The following STX1B variants were observed in gnomAD, a reference collection of about 807,000 sequenced individuals.
STX1B encodes the protein syntaxin-1B.
Under a neutral mutation model 39.4 loss-of-function variants are expected in STX1B, and 7 were observed. The ratio of observed to expected loss-of-function variants is 0.18; its 90% CI spans 0.10 to 0.33. STX1B has a LOEUF of 0.33. Among genes scored for constraint, STX1B ranks in the 10% least tolerant of loss-of-function variants. The pLI, the probability that STX1B is intolerant of heterozygous loss-of-function variation, is 1.00. For synonymous variants in STX1B, 136 were observed against 144.1 expected (o/e 0.94, Z 0.40); for missense variants, 198 against 383.2 (o/e 0.52, Z 4.04).
chr16:30,997,403 A>G lies in STX1B; in HGVS notation c.354+99T>C, dbSNP rs1328688581. 1.1e-5 allele frequency: 7 copies of G among 655,648 alleles called. No homozygotes were observed. In the East Asian group the frequency reaches 3.8e-4, roughly 35 times the overall value. 40.6% of individuals were successfully genotyped at this position (655,648 alleles called of 1,614,324 possible). ...AGCCCCGCCCCAGCCCTCCCTGACC[A>G]CGCCCCCGCCGGTGCTTGGCCCTGG... On this transcript the variant is annotated intron_variant, in intron 5 of 9. Transcript: ENST00000215095.
intron 1 of STX1B, among the ~76,000 whole-genome samples, chr16:31,009,691 C>G (rs2056671392): frequency 6.6e-6 from 1 of 151,748 alleles, no homozygotes. Context: ...CCCTTGACTG[C>G]CCGGGGTGCC....
chr16:31,005,127 C>A (rs1389072255), intron 1 of STX1B, among the ~76,000 whole-genome samples: 1 of 152,228 alleles, frequency 6.6e-6, no homozygotes, highest in Non-Finnish European at 1.5e-5. Context: ...CCTCCCTGGG[C>A]CCCAGTTCCC....
intron 1 of STX1B, among the ~76,000 whole-genome samples, chr16:31,008,241 G>A (rs1445388518): frequency 4.3e-5 from 2 of 46,790 alleles, no homozygotes; most frequent in African/African-American, 8.4e-5. Context: ...CACCCCGCCC[G>A]CCCCCTCTTG....
Position 31,001,609 on chromosome 16 carries a change from G to C in STX1B, c.31-6C>G, listed in dbSNP as rs767091129. The C allele has an allele frequency of 1.2e-5, 19 of 1,612,208 alleles. No individual in the cohort carries two copies. The highest frequency in any genetic ancestry group is 1.6e-5 in the Non-Finnish European group (19 of 1,179,250). ...TCATCATCACTGTCTTTCGCCTGGG[G>C]ACAAGGAAGGCTGAGTCCATGAGCA... On this transcript the variant is annotated splice_polypyrimidine_tract_variant and splice_region_variant and intron_variant, in intron 1 of 9. Coordinates refer to ENST00000215095, the MANE Select transcript of STX1B (RefSeq NM_052874.5). This position sits in a 1 kb window ranked among gnomAD's most constrained non-coding sequence, Gnocchi z 5.5.
chr16:30,998,043 G>C (rs1308628302), intron 4 of STX1B, among the ~76,000 whole-genome samples: 1 of 152,200 alleles, frequency 6.6e-6, no homozygotes, highest in Non-Finnish European at 1.5e-5. Flanking sequence ...TCAGGTTCTA[G>C]TGGCCCCTCT....
At chr16:30,995,041 A>T (rs934793335) in intron 7 of STX1B, among the ~76,000 whole-genome samples, 1 of 152,024 alleles carries the variant, frequency 6.6e-6, no homozygotes, top group African/African-American at 2.4e-5. Context: ...CCTCCCGAGT[A>T]GCTGGGACCA....
rs78690970 is a variant in STX1B, at chr16:30,992,812, G to A, written c.*9C>T. 15 of 1,566,738 alleles carry A rather than the reference G, an allele frequency of 9.6e-6. No individual in the cohort carries two copies. The highest frequency in any genetic ancestry group is 5.4e-5 in the African/African-American group (4 of 73,580). ...GGAAGGGTCTGGGAGAGAGAAGGGT[G>A]GGGGGGGCCTACAAGCCCAGCGTCC... is the stretch of plus-strand genomic sequence containing the variant. On this transcript the variant is annotated 3_prime_UTR_variant, in exon 10 of 10. Coordinates refer to ENST00000215095, the MANE Select transcript of STX1B (RefSeq NM_052874.5).
intron 4 of STX1B, among the ~76,000 whole-genome samples, chr16:30,999,058 C>A (rs749183849): frequency 6.6e-6 from 1 of 152,170 alleles, no homozygotes; most frequent in African/African-American, 2.4e-5. Context: ...CTCCACCCCC[C>A]ACCCCCAAAA....
intron 9 of STX1B, 60 bp from the exon 10 acceptor site, chr16:30,992,961 T>C: frequency 6.8e-7 from 1 of 1,465,988 alleles, no homozygotes; most frequent in East Asian, 2.3e-5. Flanking sequence ...CACGGACAGA[T>C]GCAGGGACAG....
rs757110829 is a variant in STX1B at position 31,001,059 on chromosome 16, C to T, written c.205+35G>A. On this transcript the variant is annotated intron_variant, in intron 3 of 9. Coordinates refer to ENST00000215095, the MANE Select transcript of STX1B (RefSeq NM_052874.5). The surrounding 1 kb of genome is among the most constrained non-coding windows in gnomAD (Gnocchi z 5.5). ...TGGGTGGGAACCCCAGGCCCCTTCT[C>T]CTCCCACCCCACAGTCACCGGCAGC... 1 of 1,613,738 alleles carries T rather than the reference C, an allele frequency of 6.2e-7. No individual in the cohort carries two copies. Among genetic ancestry groups the T allele is most frequent in the Admixed American group, 1.7e-5 (1 of 60,020 alleles).
rs2056569643 is a variant in STX1B, at chr16:30,992,830, C to T, written c.858G>A (p.Leu286=). ...GAAGGGTGGGGGGGGCCTACAAGCC[C>T]AGCGTCCCCCCAATGGATGACGCCA... is the stretch of plus-strand genomic sequence containing the variant. ...VVLASSIGGT[L]GL is the part of the protein sequence containing the mutation. The change falls in exon 10 of 10, where the codon CTG becomes CTA. Residue 286 remains leucine (L), a synonymous_variant. Transcript: ENST00000215095. 1.2e-6 allele frequency: 2 copies of T among 1,611,412 alleles called. No homozygotes were observed. The highest frequency in any genetic ancestry group is 1.7e-6 in the Non-Finnish European group (2 of 1,177,938).
At position 30,992,539 on chromosome 16, in the gene STX1B, C is replaced by G; in HGVS notation, c.*282G>C. The G allele has an allele frequency of 5.1e-6, 2 of 390,386 alleles. 1 individual carries two copies. The highest frequency in any genetic ancestry group is 7.4e-5 in the South Asian group (2 of 27,104). The allele number at this position is 390,386 out of a possible 1,614,324, so 24.2% of individuals were successfully genotyped here. A position where few individuals can be genotyped will look rare whatever the true frequency, so the allele number is the denominator to read the frequency against. ...GCTCTGGTGCATCACACACATCACA[C>G]GCACACGCACGCTGGGGTGTCCACA... On this transcript the variant is annotated 3_prime_UTR_variant, in exon 10 of 10. Transcript: ENST00000215095.
rs748980021 is a variant in STX1B at position 30,997,484 on chromosome 16, T to C, written c.354+18A>G. The C allele has an allele frequency of 4.4e-6, 7 of 1,589,558 alleles. No homozygotes were observed. Among genetic ancestry groups the C allele is most frequent in the Non-Finnish European group, 6.0e-6 (7 of 1,168,848 alleles). On this transcript the variant is annotated intron_variant, in intron 5 of 9. Coordinates refer to ENST00000215095, the MANE Select transcript of STX1B (RefSeq NM_052874.5). ...AGCTGGGTCCCGACCCGACCCCCAA[T>C]GGGCTGCCGCCTCCTACCTGGGTCT... is the stretch of plus-strand genomic sequence containing the variant.
chr16:30,997,435 G>A (rs1457342244), intron 5 of STX1B, 67 bp downstream of exon 5: 3 of 1,158,752 alleles, frequency 2.6e-6, no homozygotes, highest in Middle Eastern at 2.5e-4. Flanking sequence ...CTGGCCCGCC[G>A]GCCTCCAGCC....
At chr16:31,009,429 T>TA (rs1395804755) in intron 1 of STX1B, among the ~76,000 whole-genome samples, 1 of 151,966 alleles carries the variant, frequency 6.6e-6, no homozygotes, top group Non-Finnish European at 1.5e-5. Flanking sequence ...CCGGTACCCT[T>TA]ATTAACATAA....
intron 7 of STX1B, among the ~76,000 whole-genome samples, chr16:30,995,036 C>T (rs1249803215): frequency 2.0e-5 from 3 of 151,580 alleles, no homozygotes; most frequent in Non-Finnish European, 2.9e-5. Context: ...CTTAGCCTCC[C>T]GAGTAGCTGG....
At chr16:31,009,694 G>C (rs77324863) in intron 1 of STX1B, among the ~76,000 whole-genome samples, 2,268 of 151,654 alleles carry the variant, frequency 0.015, 47 homozygotes, top group African/African-American at 0.049. Context: ...TTGACTGCCC[G>C]GGGTGCCCCA....
chr16:31,004,361 G>A (rs1261010419), intron 1 of STX1B, among the ~76,000 whole-genome samples: 1 of 152,068 alleles, frequency 6.6e-6, no homozygotes, highest in East Asian at 1.9e-4. Flanking sequence ...TTTATAGATG[G>A]GGAAACTGAG....
Position 30,993,494 on chromosome 16 carries a change from C to T in STX1B, c.538-10G>A, listed in dbSNP as rs903403032. The T allele has an allele frequency of 5.0e-6, 8 of 1,612,850 alleles. No individual in the cohort carries two copies. The highest frequency in any genetic ancestry group is 3.3e-5 in the South Asian group (3 of 91,082). ...GTGAGTCCATTTTGATCTAGGGTGA[C>T]GAGGGAGAGAGCTACAATCACCCTT... On this transcript the variant is annotated splice_polypyrimidine_tract_variant and intron_variant, in intron 7 of 9. Transcript: ENST00000215095.
Sources: allele counts gnomAD v4.1 joint callset (sites outside exome capture counted in the v4.1 genomes callset), GRCh38; gene constraint gnomAD v4.1.1; non-coding constraint Gnocchi (gnomAD v3.1); transcripts MANE v1.5; gene names NCBI Gene and HGNC (gene_info 2026-07-23, HGNC 2026-07-21).